NPEPPS: variants seen among roughly 807,000 people sequenced by gnomAD.
The protein encoded by NPEPPS is puromycin-sensitive aminopeptidase.
A neutral mutation model predicts 115.5 loss-of-function variants in NPEPPS; 14 were observed. The observed-to-expected ratio is 0.12, with a 90% CI of 0.08 to 0.19. NPEPPS has a LOEUF of 0.19. NPEPPS is among the 10% of genes least tolerant of loss of function. The pLI is 1.00. For synonymous variants in NPEPPS, 285 were observed against 390.6 expected, an observed-to-expected ratio of 0.73 and a Z score of 3.19; for missense variants, 523 against 1,110.8, an observed-to-expected ratio of 0.47 and a Z score of 7.52.
At chr17:47,570,453 G>GCATCTT (rs1911126829) in intron 3 of NPEPPS, among the ~76,000 whole-genome samples, 1 of 152,088 alleles carries the variant, frequency 6.6e-6, no homozygotes, top group Non-Finnish European at 1.5e-5. Context: ...TTACCTAGCT[G>GCATCTT]CATCTTCTAT....
At chr17:47,559,705 T>A (rs1910303077) in intron 2 of NPEPPS, 2 of 453,534 alleles carry the variant, frequency 4.4e-6, no homozygotes, top group Non-Finnish European at 8.8e-6. Flanking sequence ...ATCACTTTTT[T>A]GGTTTCAAGC....
At chr17:47,526,559 GTTC>G (rs1453046026), upstream of NPEPPS, among the ~76,000 whole-genome samples, 1 of 152,252 alleles carries the variant, frequency 6.6e-6, no homozygotes, top group Non-Finnish European at 1.5e-5. Flanking sequence ...GATAAGGACA[GTTC>G]ATGGAGAGCC....
At chr17:47,579,694 A>T in intron 4 of NPEPPS, 183 bp downstream of exon 4, 1 of 496,696 alleles carries the variant, frequency 2.0e-6, no homozygotes, top group Non-Finnish European at 3.7e-6. Context: ...AATTAAGGGT[A>T]TGGGTTGGGG....
chr17:47,596,507 G>A (rs761127539), intron 13 of NPEPPS, 45 bp downstream of exon 13: 1 of 1,303,170 alleles, frequency 7.7e-7, no homozygotes, highest in South Asian at 1.3e-5. Context: ...TGTATTAAAT[G>A]AAGTTCAGTA....
chr17:47,575,302 C>T (rs905075517), intron 3 of NPEPPS, among the ~76,000 whole-genome samples: 5 of 152,018 alleles, frequency 3.3e-5, no homozygotes, highest in Admixed American at 3.3e-4. Context: ...ATGTTCTGCA[C>T]CTTTCTTCTT....
chr17:47,594,631 G>GTTATGTTATGTTATGTTA (rs1555610751), intron 12 of NPEPPS, among the ~76,000 whole-genome samples: 14 of 125,742 alleles, frequency 1.1e-4, no homozygotes, highest in African/African-American at 4.0e-4. Flanking sequence ...GTTATGTTAT[G>GTTATGTTATGTTATGTTA]TTATGTTATG....
intron 2 of NPEPPS, among the ~76,000 whole-genome samples, chr17:47,562,796 AAG>A (rs1910523964): frequency 6.6e-6 from 1 of 151,634 alleles, no homozygotes; most frequent in Non-Finnish European, 1.5e-5. Flanking sequence ...AAAAAAAAAA[AAG>A]AATCTCTTCA....
intron 9 of NPEPPS, among the ~76,000 whole-genome samples, chr17:47,590,454 C>T (rs1243380745): frequency 2.6e-5 from 3 of 113,396 alleles, no homozygotes. Context: ...AAGACTTTGT[C>T]TCAAAAAAAA....
At chr17:47,550,695 T>G (rs868139472) in intron 2 of NPEPPS, among the ~76,000 whole-genome samples, 6 of 150,926 alleles carry the variant, frequency 4.0e-5, no homozygotes, top group Middle Eastern at 3.4e-3. Flanking sequence ...TGGCATGATC[T>G]TGCTCACTGC....
intron 9 of NPEPPS, among the ~76,000 whole-genome samples, chr17:47,590,483 A>T (rs1374665922): frequency 6.6e-6 from 1 of 151,994 alleles, no homozygotes; most frequent in Non-Finnish European, 1.5e-5. Context: ...AAAGAAAGGA[A>T]AAGAAAATGA....
intron 19 of NPEPPS, among the ~76,000 whole-genome samples, chr17:47,616,426 G>A (rs1233670989): frequency 3.3e-5 from 5 of 152,058 alleles, no homozygotes; most frequent in African/African-American, 1.2e-4. Flanking sequence ...GCTCACGCCT[G>A]CAATCCCAGC....
rs979422286 is a variant in NPEPPS at position 47,623,265 on chromosome 17, A to G, written c.*1345A>G. The G allele has an allele frequency of 9.3e-5, 16 of 172,720 alleles. No individual in the cohort carries two copies. The South Asian group carries it at 1.4e-3, about 15-fold the overall frequency. The allele number at this position is 172,720 out of a possible 1,614,324, so 10.7% of individuals were successfully genotyped here. ...ACAGTTGGCGTTAATAAAAATGTCA[A>G]TGTGAAACTGATGTCCTGATTCACT... is the stretch of plus-strand genomic sequence containing the variant. On this transcript the variant is annotated 3_prime_UTR_variant, in exon 23 of 23. Coordinates refer to ENST00000322157, the MANE Select transcript of NPEPPS (RefSeq NM_006310.4).
chr17:47,550,484 G>A (rs1448177679), intron 2 of NPEPPS, among the ~76,000 whole-genome samples: 2 of 148,660 alleles, frequency 1.3e-5, no homozygotes, highest in African/African-American at 4.9e-5. Context: ...TTTTATTAAC[G>A]CTGTTTGGAT....
At chr17:47,544,848 G>C (rs1289486247) in intron 1 of NPEPPS, among the ~76,000 whole-genome samples, 1 of 147,918 alleles carries the variant, frequency 6.8e-6, no homozygotes, top group Non-Finnish European at 1.5e-5. Context: ...GAGTAGCTGG[G>C]ATTACAGGTG....
At position 47,531,270 on chromosome 17, in the gene NPEPPS, C is replaced by G. The variant is rs1313399478; in HGVS notation, c.-31C>G. ...CCCGCCCCCCAGGCTCCCCCGGTCG[C>G]TCTCCTCCGGCGGTCGCCCGCGCTC... is the stretch of plus-strand genomic sequence containing the variant. On this transcript the variant is annotated 5_prime_UTR_variant, in exon 1 of 23. Transcript: ENST00000322157. 8 of 1,485,748 alleles carry G rather than the reference C, an allele frequency of 5.4e-6. No individual in the cohort carries two copies. In the African/African-American group the frequency reaches 9.9e-5, roughly 18 times the overall value. 92.0% of individuals were successfully genotyped at this position (1,485,748 alleles called of 1,614,324 possible).
At chr17:47,621,617 G>C in intron 22 of NPEPPS, 151 bp from the exon 23 acceptor site, 1 of 639,188 alleles carries the variant, frequency 1.6e-6, no homozygotes, top group Non-Finnish European at 2.5e-6. Context: ...GGAGTTGCTT[G>C]TTTTCTTTTA....
chr17:47,592,818 G>A lies in NPEPPS; in HGVS notation c.1426+273G>A, dbSNP rs114428305. On this transcript the variant is annotated intron_variant, in intron 12 of 22. Transcript: ENST00000322157. The stretch of plus-strand genomic sequence containing the variant: ...CACAATGTGCAGGTTTGTTACGTCA[G>A]TATACATGTGCGGGCCATGTTGGTT... 194 of 317,538 alleles carry A rather than the reference G, an allele frequency of 6.1e-4. 1 individual carries two copies. The highest frequency in any genetic ancestry group is 3.9e-3 in the African/African-American group (182 of 46,758). 19.7% of individuals were successfully genotyped at this position (317,538 alleles called of 1,614,324 possible).
At chr17:47,596,977 G>C (rs1463721873) in intron 13 of NPEPPS, among the ~76,000 whole-genome samples, 1 of 152,072 alleles carries the variant, frequency 6.6e-6, no homozygotes, top group Non-Finnish European at 1.5e-5. Flanking sequence ...GAACTCGAGA[G>C]GTGGAAGTTG....
At chr17:47,576,449 A>G (rs185649901) in intron 3 of NPEPPS, among the ~76,000 whole-genome samples, 1 of 152,272 alleles carries the variant, frequency 6.6e-6, no homozygotes, top group Admixed American at 6.5e-5. Context: ...CCGAGATTGC[A>G]CCACTGCACT....
Sources: allele counts gnomAD v4.1 joint callset (sites outside exome capture counted in the v4.1 genomes callset), GRCh38; gene constraint gnomAD v4.1.1; transcripts MANE v1.5; gene names NCBI Gene and HGNC (gene_info 2026-07-23, HGNC 2026-07-21).